Variants in MYT1L observed in about 807,000 individuals in gnomAD.
MYT1L encodes myelin transcription factor 1-like protein.
A neutral mutation model predicts 126.7 loss-of-function variants in MYT1L; 12 were observed. The observed-to-expected ratio is 0.09, with a 90% confidence interval of 0.06 to 0.15. MYT1L has a LOEUF of 0.15. MYT1L is among the 10% of genes least tolerant of loss of function. The pLI, the probability that MYT1L is intolerant of heterozygous loss-of-function variation, is 1.00. For synonymous variants in MYT1L, 541 were observed against 604.2 expected (o/e 0.90, Z 1.53); for missense variants, 979 against 1,585.2 (o/e 0.62, Z 6.49).
chr2:2,180,905 T>C (rs1404950577), intron 2 of MYT1L, among the ~76,000 whole-genome samples: 1 of 147,814 alleles, frequency 6.8e-6, no homozygotes, highest in Non-Finnish European at 1.5e-5. Context: ...TCTGTGCTTG[T>C]GTATGTACCT....
intron 2 of MYT1L, among the ~76,000 whole-genome samples, chr2:2,189,162 C>T (rs1422140963): frequency 6.6e-6 from 1 of 152,206 alleles, no homozygotes; most frequent in Non-Finnish European, 1.5e-5. Flanking sequence ...CTTCTGATTG[C>T]GTTTGGGGCT....
intron 8 of MYT1L, among the ~76,000 whole-genome samples, chr2:1,976,741 C>T (rs1400581084): frequency 6.6e-6 from 1 of 152,174 alleles, no homozygotes; most frequent in African/African-American, 2.4e-5. Context: ...CCTAATACAT[C>T]AAGGGACACT....
intron 3 of MYT1L, among the ~76,000 whole-genome samples, chr2:2,076,340 G>A (rs538533248): frequency 7.4e-4 from 113 of 152,308 alleles, no homozygotes; most frequent in Non-Finnish European, 1.3e-3. Context: ...AGCCCTCCTG[G>A]AAAGGGCCAG....
At chr2:1,799,294 G>A (rs1183968397) in intron 23 of MYT1L, among the ~76,000 whole-genome samples, 1 of 152,236 alleles carries the variant, frequency 6.6e-6, no homozygotes, top group Non-Finnish European at 1.5e-5. Flanking sequence ...GTTTCCTGAG[G>A]GGGAGGCCAC....
At chr2:1,820,812 A>G (rs1218006788) in intron 21 of MYT1L, among the ~76,000 whole-genome samples, 2 of 151,946 alleles carry the variant, frequency 1.3e-5, no homozygotes, top group Non-Finnish European at 2.9e-5. Flanking sequence ...CTCCCTAAAT[A>G]CTGGGATTAC....
chr2:2,111,360 G>A (rs112588747), intron 3 of MYT1L, among the ~76,000 whole-genome samples: 75 of 152,244 alleles, frequency 4.9e-4, no homozygotes, highest in African/African-American at 1.7e-3. Flanking sequence ...TCCCCCCGAC[G>A]GCACTCACAC....
At chr2:2,234,233 A>G (rs1489735734) in intron 2 of MYT1L, among the ~76,000 whole-genome samples, 5 of 152,216 alleles carry the variant, frequency 3.3e-5, no homozygotes, top group African/African-American at 1.2e-4. Context: ...TTTCTAAATC[A>G]TTTCAATTTA....
At chr2:2,073,197 A>C (rs1321837930) in intron 3 of MYT1L, among the ~76,000 whole-genome samples, 1 of 152,154 alleles carries the variant, frequency 6.6e-6, no homozygotes, top group Admixed American at 6.5e-5. Context: ...CATTGAGTCC[A>C]TGGCAACATT....
chr2:2,055,007 G>A (rs2069323645), intron 3 of MYT1L, among the ~76,000 whole-genome samples: 1 of 152,120 alleles, frequency 6.6e-6, no homozygotes, highest in Non-Finnish European at 1.5e-5. Flanking sequence ...TGAGAGGGAT[G>A]GTGGTGACAA....
chr2:1,967,267 T>C (rs2059438029), intron 8 of MYT1L, among the ~76,000 whole-genome samples: 1 of 152,196 alleles, frequency 6.6e-6, no homozygotes, highest in African/African-American at 2.4e-5. Flanking sequence ...GGTTCTAAAG[T>C]GTTTCAAATA....
rs146788169 is a variant in MYT1L at position 1,832,210 on chromosome 2, C to T, written c.3080+6939G>A. Among the ~76,000 whole-genome samples the T allele has an allele frequency of 8.2e-3, 1,248 of 152,182 alleles. 9 individuals carry two copies. Among genetic ancestry groups the T allele is most frequent in the Middle Eastern group, 0.041 (12 of 294 alleles). ...GAGTCCTTATGAGAGGAGATGCCAG[C>T]GAGCCTGCTCTCTCCCTGCCTTGTG... On this transcript the variant is annotated intron_variant, in intron 21 of 24. Coordinates refer to ENST00000647738, the MANE Select transcript of MYT1L (RefSeq NM_001303052.2).
chr2:2,273,744 C>A (rs1158838467), intron 2 of MYT1L, among the ~76,000 whole-genome samples: 1 of 152,140 alleles, frequency 6.6e-6, no homozygotes, highest in Non-Finnish European at 1.5e-5. Flanking sequence ...TGAGAGGTTA[C>A]TAAGGAGGGA....
intron 8 of MYT1L, among the ~76,000 whole-genome samples, chr2:1,956,674 C>T (rs1228820227): frequency 6.6e-6 from 1 of 151,838 alleles, no homozygotes; most frequent in East Asian, 1.9e-4. Flanking sequence ...TATCTATCAT[C>T]ATCATCATGA....
chr2:1,978,295 G>A (rs1037420219), intron 8 of MYT1L, among the ~76,000 whole-genome samples: 1 of 152,198 alleles, frequency 6.6e-6, no homozygotes, highest in Non-Finnish European at 1.5e-5. Flanking sequence ...CTCACTGAGG[G>A]TTTGTTAGGC....
At chr2:1,950,694 C>A (rs1297385256) in intron 8 of MYT1L, among the ~76,000 whole-genome samples, 1 of 152,176 alleles carries the variant, frequency 6.6e-6, no homozygotes, top group Non-Finnish European at 1.5e-5. Flanking sequence ...GCTGCATGGG[C>A]AGGAGGTGGT....
At chr2:2,206,042 G>A (rs574227438) in intron 2 of MYT1L, among the ~76,000 whole-genome samples, 85 of 151,416 alleles carry the variant, frequency 5.6e-4, no homozygotes, top group African/African-American at 2.0e-3. Context: ...GAGTGCAGTG[G>A]CATGATTTTG....
Position 2,003,975 on chromosome 2 carries a change from A to G in MYT1L, c.-157-6628T>C, listed in dbSNP as rs138061465. 5.7e-3 allele frequency among the ~76,000 whole-genome samples: 756 copies of G among 131,584 alleles called. 2 individuals are homozygous for G. Among genetic ancestry groups the G allele is most frequent in the African/African-American group, 0.017 (620 of 35,678 alleles). 86.3% of individuals were successfully genotyped at this position (131,584 alleles called of 152,430 possible). A position where few individuals can be genotyped will look rare whatever the true frequency, so the allele number is the denominator to read the frequency against. ...CCTGCATGCGTTCTTTCCTGCAGGC[A>G]TTCTTTCCTGCAAGCGTTCTTTCCT... is the stretch of plus-strand genomic sequence containing the variant. On this transcript the variant is annotated intron_variant, in intron 4 of 24. Coordinates refer to ENST00000647738, the MANE Select transcript of MYT1L (RefSeq NM_001303052.2).
chr2:2,306,969 G>A (rs2095867370), intron 1 of MYT1L, among the ~76,000 whole-genome samples: 1 of 152,186 alleles, frequency 6.6e-6, no homozygotes. Context: ...CATCTGGAAG[G>A]AACAGAGAGG....
chr2:2,027,146 C>T (rs1404797560), intron 4 of MYT1L, among the ~76,000 whole-genome samples: 1 of 152,174 alleles, frequency 6.6e-6, no homozygotes, highest in African/African-American at 2.4e-5. Context: ...ACTGAGCCGC[C>T]CCTGAGAGAG....
Sources: allele counts gnomAD v4.1 joint callset (sites outside exome capture counted in the v4.1 genomes callset), GRCh38; gene constraint gnomAD v4.1.1; transcripts MANE v1.5; gene names NCBI Gene and HGNC (gene_info 2026-07-23, HGNC 2026-07-21).